Variants in MEN1 observed in about 807,000 individuals in gnomAD.
MEN1 encodes menin.
Under a neutral mutation model 58.0 loss-of-function variants are expected in MEN1, and 6 were observed. The observed-to-expected ratio is 0.10, with a 90% CI of 0.06 to 0.20. The LOEUF (loss-of-function observed/expected upper bound fraction) is 0.20. Among genes scored for constraint, MEN1 ranks in the 10% least tolerant of loss-of-function variants. The probability of loss-of-function intolerance (pLI) is 1.00; values close to 1 mark genes in which losing one functional copy is unlikely to be tolerated. For missense variants in MEN1, 492 were observed against 818.5 expected (o/e 0.60, Z 4.87); for synonymous variants, 346 against 350.7 (o/e 0.99, Z 0.15).
In MEN1 at chr11:64,804,815, A is replaced by T. The variant is rs763514855; in HGVS notation, c.1352T>A (p.Val451Glu). 2.5e-6 allele frequency: 4 copies of T among 1,596,768 alleles called. No homozygotes were observed. The highest frequency in any genetic ancestry group is 3.4e-6 in the Non-Finnish European group (4 of 1,179,014). Residue 451 changes from valine to glutamate, a missense_variant and splice_region_variant, in exon 10 of 10, where the codon GTG becomes GAG. This residue lies in a region of MEN1 where 45 missense variants were observed against 66.9 expected (regional missense o/e 0.67). Coordinates refer to ENST00000450708, the MANE Select transcript of MEN1 (RefSeq NM_001370259.2). The surrounding 1 kb of genome is among the most constrained non-coding windows in gnomAD (Gnocchi z 4.2). ...GCTCACTATGCGCACCTTCTGCCGCACCTGGGCCAGTGGGGAGAGCAAGGT... is the reference window on the plus strand; with the variant it reads ...GCTCACTATGCGCACCTTCTGCCGCTCCTGGGCCAGTGGGGAGAGCAAGGT... ...VQSLGRFEGQ[V>E]RQKVRIVSRE...
rs2136110455 is a variant in MEN1, at chr11:64,805,731, C to T, written c.1089G>A (p.Glu363=). 6.2e-7 allele frequency: 1 copy of T among 1,614,228 alleles called. No homozygotes were observed. The highest frequency in any genetic ancestry group is 8.5e-7 in the Non-Finnish European group (1 of 1,180,032). Reference sequence around the variant, plus strand: ...TGACATCATTGGCTACTTCAAAGAACTCCTTGTAGATCTCCTCGTCTTCCC... The same window carrying T: ...TGACATCATTGGCTACTTCAAAGAATTCCTTGTAGATCTCCTCGTCTTCCC... ...YCREDEEIYK[E]FFEVANDVIP... Residue 363 remains glutamate, a synonymous_variant, in exon 8 of 10, where the codon GAG becomes GAA. Transcript: ENST00000450708.
At position 64,807,885 on chromosome 11, in the gene MEN1, C is replaced by A. The variant is rs1941847253; in HGVS notation, c.654+6G>T. 6.2e-7 allele frequency: 1 copy of A among 1,613,994 alleles called. No individual in the cohort carries two copies. The highest frequency in any genetic ancestry group is 8.5e-7 in the Non-Finnish European group (1 of 1,179,978). On this transcript the variant is annotated splice_donor_region_variant and intron_variant, in intron 3 of 9. Coordinates refer to ENST00000450708, the MANE Select transcript of MEN1 (RefSeq NM_001370259.2). This position sits in a 1 kb window ranked among gnomAD's most constrained non-coding sequence, Gnocchi z 4.9. ...AGGGGACAAGGCTGGGGGGAGGGAA[C>A]AATACCCGCTCAGCCACACCGGCAT...
At chr11:64,806,028 AT>A (rs561862721) in intron 7 of MEN1, 629 of 687,164 alleles carry the variant, frequency 9.2e-4, no homozygotes, top group Non-Finnish European at 1.3e-3. Context: ...GAAAAAAAAA[AT>A]TAGGAGGAGA....
chr11:64,810,518 G>A lies in MEN1; in HGVS notation c.-28C>T, dbSNP rs990368916. The A allele has an allele frequency of 5.2e-6, 1 of 191,364 alleles. No homozygotes were observed. Among genetic ancestry groups the A allele is most frequent in the Non-Finnish European group, 1.1e-5 (1 of 90,972 alleles). 11.9% of individuals were successfully genotyped at this position (191,364 alleles called of 1,614,324 possible). On this transcript the variant is annotated 5_prime_UTR_variant, in exon 1 of 10. Coordinates refer to ENST00000450708, the MANE Select transcript of MEN1 (RefSeq NM_001370259.2). ...GCCTCGGTCCCCCTCGCCCACCTCC[G>A]CGCTTACATCCCACACTAGGCACCG...
chr11:64,809,678 G>T lies in MEN1; in HGVS notation c.432C>A (p.Phe144Leu), dbSNP rs2136177828. ...FKDRAHIQSL[F>L]SFITGTKLDS... ...CTGGGCTCCAACCTGTGATGAAGCTGAAGAGGGACTGGATGTGGGCCCGAT... is the reference window on the plus strand; with the variant it reads ...CTGGGCTCCAACCTGTGATGAAGCTTAAGAGGGACTGGATGTGGGCCCGAT... Residue 144 changes from phenylalanine to leucine, a missense_variant, in exon 2 of 10, where the codon TTC (phenylalanine) becomes TTA (leucine). Coordinates refer to ENST00000450708, the MANE Select transcript of MEN1 (RefSeq NM_001370259.2). The T allele has an allele frequency of 6.2e-7, 1 of 1,614,164 alleles. No individual in the cohort carries two copies. Among genetic ancestry groups the T allele is most frequent in the Non-Finnish European group, 8.5e-7 (1 of 1,179,984 alleles).
rs2136134839 is a variant in MEN1, at chr11:64,807,232, G to A, written c.784-13C>T. 1 of 1,612,342 alleles carries A rather than the reference G, an allele frequency of 6.2e-7. No individual in the cohort carries two copies. Among genetic ancestry groups the A allele is most frequent in the South Asian group, 1.1e-5 (1 of 90,930 alleles). On this transcript the variant is annotated splice_polypyrimidine_tract_variant and intron_variant, in intron 4 of 9. Transcript: ENST00000450708. The surrounding 1 kb of genome is among the most constrained non-coding windows in gnomAD (Gnocchi z 4.9). ...GCCAGAGCAGCTTCTAGGAGCCGAA[G>A]GAGAGAGTTATGAGCCACGGAACAG... is the stretch of plus-strand genomic sequence containing the variant.
At chr11:64,810,194 G>A in intron 1 of MEN1, 62 bp from the exon 2 acceptor site, 1 of 1,075,708 alleles carries the variant, frequency 9.3e-7, no homozygotes, top group South Asian at 1.5e-5. Context: ...TCCTCCCAGG[G>A]TCCGCTAAGG....
rs141679530 is a variant in MEN1, at chr11:64,804,632, G to A, written c.1535C>T (p.Ser512Leu). 35 of 1,605,554 alleles carry A rather than the reference G, an allele frequency of 2.2e-5. No individual in the cohort carries two copies. The African/African-American group carries it at 2.7e-4, about 12-fold the overall frequency. ...CCCAGGAGGCTTCCGGGGGGGTCCT[G>A]ACACTGCACCCTGGCCGGTGCCCAG... The part of the protein sequence containing the change: ...KGLGTGQGAV[S>L]GPPRKPPGTV... Residue 512 changes from serine (S) to leucine (L), a missense_variant, in exon 10 of 10, where the codon TCA becomes TTA. By Grantham distance (145) the Ser-to-Leu change is moderately radical. Coordinates refer to ENST00000450708, the MANE Select transcript of MEN1 (RefSeq NM_001370259.2). The surrounding 1 kb of genome is among the most constrained non-coding windows in gnomAD (Gnocchi z 4.2).
rs1941736533 is a variant in MEN1, at chr11:64,806,398, G to A, written c.913-30C>T. The A allele has an allele frequency of 5.0e-6, 8 of 1,613,844 alleles. No homozygotes were observed. The South Asian group carries it at 6.6e-5, about 13-fold the overall frequency. ...ATGGAGGTGAGGCAGAGGATCCTCA[G>A]GGAGGCAGCCCCAGCTGCCCTGCTG... is the stretch of plus-strand genomic sequence containing the variant. On this transcript the variant is annotated intron_variant, in intron 6 of 9. Transcript: ENST00000450708.
At chr11:64,806,707 C>T (rs1231359204) in intron 6 of MEN1, among the ~76,000 whole-genome samples, 2 of 30,698 alleles carry the variant, frequency 6.5e-5, no homozygotes, top group Non-Finnish European at 1.7e-3. Flanking sequence ...AAGTGAACAC[C>T]CCCTCTTCAT....
chr11:64,804,234 A>G lies in MEN1; in HGVS notation c.*100T>C. 1 of 1,505,942 alleles carries G rather than the reference A, an allele frequency of 6.6e-7. No homozygotes were observed. The highest frequency in any genetic ancestry group is 9.2e-7 in the Non-Finnish European group (1 of 1,086,634). 93.3% of individuals were successfully genotyped at this position (1,505,942 alleles called of 1,614,324 possible). ...GGAACCTAGGGTTTGGGTAGAGGTG[A>G]GGCCTGTCCCCTTTGGGCTGGGGGC... is the stretch of plus-strand genomic sequence containing the variant. On this transcript the variant is annotated 3_prime_UTR_variant, in exon 10 of 10. Coordinates refer to ENST00000450708, the MANE Select transcript of MEN1 (RefSeq NM_001370259.2). This position sits in a 1 kb window ranked among gnomAD's most constrained non-coding sequence, Gnocchi z 4.2.
chr11:64,806,520 C>A lies in MEN1; in HGVS notation c.913-152G>T, dbSNP rs1250009679. The A allele has an allele frequency of 3.3e-5, 31 of 944,290 alleles. No homozygotes were observed. In the East Asian group the frequency reaches 7.7e-4, roughly 24 times the overall value. 58.5% of individuals were successfully genotyped at this position (944,290 alleles called of 1,614,324 possible). A position where few individuals can be genotyped will look rare whatever the true frequency, so the allele number is the denominator to read the frequency against. On this transcript the variant is annotated intron_variant, in intron 6 of 9. Coordinates refer to ENST00000450708, the MANE Select transcript of MEN1 (RefSeq NM_001370259.2). ...CTCCCACCTCCACTCGCTGCCAGCC[C>A]TTCTACCTGGTCTCCTCCCTGGGTC...
At position 64,803,890 on chromosome 11, in the gene MEN1, T is replaced by C. The variant is rs1217417677; in HGVS notation, c.*444A>G. ...GGAATTCTGAAGTGCGGAAATATAC[T>C]CCTAGGGGCTGAGTGGTCCTAGGCT... On this transcript the variant is annotated 3_prime_UTR_variant, in exon 10 of 10. Transcript: ENST00000450708. 7.4e-6 allele frequency: 2 copies of C among 269,740 alleles called. No individual in the cohort carries two copies. The highest frequency in any genetic ancestry group is 1.1e-3 in the Middle Eastern group (1 of 914). 16.7% of individuals were successfully genotyped at this position (269,740 alleles called of 1,614,324 possible).
Position 64,810,143 on chromosome 11 carries a change from A to AG in MEN1, c.-23-12dup. Reference sequence around the variant, plus strand: ...GCGGTGGGCGGCGGCCTGCAAGGCAAGCCGGGGGAGGGAGGGTCGGGCAGG... The same window carrying AG: ...GCGGTGGGCGGCGGCCTGCAAGGCAAGGCCGGGGGAGGGAGGGTCGGGCAGG... On this transcript the variant is annotated splice_polypyrimidine_tract_variant and intron_variant, in intron 1 of 9. Transcript: ENST00000450708. 1 of 519,946 alleles carries AG rather than the reference A, an allele frequency of 1.9e-6. No individual in the cohort carries two copies. The highest frequency in any genetic ancestry group is 3.3e-6 in the Non-Finnish European group (1 of 302,200). 32.2% of individuals were successfully genotyped at this position (519,946 alleles called of 1,614,324 possible). A position where few individuals can be genotyped will look rare whatever the true frequency, so the allele number is the denominator to read the frequency against.
rs1941726727 is a variant in MEN1, at chr11:64,806,323, G to A, written c.958C>T (p.Pro320Ser). The change falls in exon 7 of 10, where the codon CCC becomes TCC. Residue 320 changes from proline to serine, a missense_variant. By Grantham distance (74) the Pro-to-Ser change is moderately conservative (BLOSUM62 -1). Transcript: ENST00000450708. ...KTYYRDEHIY[P>S]YMYLAGYHCR... is the part of the protein sequence containing the mutation. Reference sequence around the variant, plus strand: ...TGGTAGCCAGCCAGGTACATGTAGGGGTAGATGTGTTCATCCCGATAGTAG... The same window carrying A: ...TGGTAGCCAGCCAGGTACATGTAGGAGTAGATGTGTTCATCCCGATAGTAG... The A allele has an allele frequency of 6.2e-7, 1 of 1,614,222 alleles. No individual in the cohort carries two copies. The highest frequency in any genetic ancestry group is 1.3e-5 in the African/African-American group (1 of 75,060).
intron 7 of MEN1, 102 bp from the exon 8 acceptor site, chr11:64,805,872 T>A: frequency 8.4e-7 from 1 of 1,185,416 alleles, no homozygotes; most frequent in Non-Finnish European, 1.3e-6. Flanking sequence ...GCTGGGGGAG[T>A]AGGTGGGGTC....
intron 2 of MEN1, 54 bp downstream of exon 2, chr11:64,809,611 G>A (rs2136176863): frequency 6.2e-7 from 1 of 1,601,478 alleles, no homozygotes; most frequent in Non-Finnish European, 8.6e-7. Context: ...GTAAACCATG[G>A]AGGGTTTTGA....
chr11:64,805,242 C>T (rs1941637631), intron 8 of MEN1, 44 bp from the exon 9 acceptor site: 7 of 1,604,010 alleles, frequency 4.4e-6, no homozygotes, highest in Non-Finnish European at 6.0e-6. Context: ...CTCTTACTCA[C>T]CCCTTAGCAG....
intron 7 of MEN1, 120 bp from the exon 8 acceptor site, chr11:64,805,890 C>A (rs1429375251): frequency 1.0e-6 from 1 of 993,172 alleles, no homozygotes. Context: ...GTCCTCACTG[C>A]AAAATGATGC....
Sources: allele counts gnomAD v4.1 joint callset (sites outside exome capture counted in the v4.1 genomes callset), GRCh38; gene constraint gnomAD v4.1.1; regional missense constraint gnomAD v4.1.1; non-coding constraint Gnocchi (gnomAD v3.1); transcripts MANE v1.5; gene names NCBI Gene and HGNC (gene_info 2026-07-23, HGNC 2026-07-21).